Variants in CUEDC1 observed in about 807,000 individuals in gnomAD.
CUEDC1 encodes the protein CUE domain-containing protein 1.
CUEDC1 carries 30 observed loss-of-function variants against 43.7 expected under a neutral mutation model. That is an observed-to-expected ratio of 0.69 (90% CI 0.51 to 0.93). CUEDC1 has a LOEUF of 0.93. Ranked by LOEUF, CUEDC1 falls within the 40% of genes least tolerant of loss-of-function variation. The pLI is 0.00. For missense variants in CUEDC1, 486 were observed against 549.0 expected (o/e 0.89, Z 1.15); for synonymous variants, 223 against 223.6 (o/e 1.00, Z 0.02).
chr17:57,955,385 C>T lies in CUEDC1; in HGVS notation c.-476G>A, dbSNP rs2075047831. 6.7e-6 allele frequency: 1 copy of T among 149,110 alleles called. No homozygotes were observed. The highest frequency in any genetic ancestry group is 1.8e-4 in the South Asian group (1 of 5,604). The allele number at this position is 149,110 out of a possible 1,614,324, so 9.2% of individuals were successfully genotyped here. ...GGCGGAGAAAGTGAGGCGAGGCCGG[C>T]TTCCTAGCGGCGGGCGGCGAGAAAT... On this transcript the variant is annotated 5_prime_UTR_variant, in exon 1 of 11. Coordinates refer to ENST00000577830, the MANE Select transcript of CUEDC1 (RefSeq NM_001271875.2). The surrounding 1 kb of genome is among the most constrained non-coding windows in gnomAD (Gnocchi z 5.3).
chr17:57,868,075 G>C, intron 8 of CUEDC1, 75 bp downstream of exon 8: 1 of 1,236,948 alleles, frequency 8.1e-7, no homozygotes, highest in South Asian at 1.2e-5. Flanking sequence ...CACAGCTGCA[G>C]GGAGTCCAAC....
At chr17:57,876,875 C>T (rs964855382) in intron 3 of CUEDC1, among the ~76,000 whole-genome samples, 1 of 152,220 alleles carries the variant, frequency 6.6e-6, no homozygotes. Flanking sequence ...ATACCTGGGT[C>T]TGTGCTAAGT....
intron 10 of CUEDC1, 57 bp downstream of exon 10, chr17:57,866,417 A>G (rs1325092784): frequency 6.5e-7 from 1 of 1,535,960 alleles, no homozygotes; most frequent in East Asian, 2.2e-5. Context: ...TGGGGTGCAT[A>G]GTGTGGGGGG....
chr17:57,921,284 A>G (rs2074695769), intron 1 of CUEDC1, among the ~76,000 whole-genome samples: 1 of 152,210 alleles, frequency 6.6e-6, no homozygotes, highest in Non-Finnish European at 1.5e-5. Context: ...CCAACAATGC[A>G]GTGAAAGGCA....
rs1363071194 is a variant in CUEDC1, at chr17:57,872,830, C to A, written c.617G>T (p.Gly206Val). ...GGCAGGTGGACATCCCTCTCCACTC[C>A]CAGGCTTGGGGCCCCCAGCGTTACC... Reference protein sequence around the residue: ...IQGNAGGPKPGSGEGCPPAMA... With the variant: ...IQGNAGGPKPVSGEGCPPAMA... Residue 206 changes from glycine to valine, a missense_variant, in exon 5 of 11, where the codon GGG (glycine) becomes GTG (valine). Transcript: ENST00000577830. The A allele has an allele frequency of 4.3e-6, 7 of 1,613,632 alleles. No homozygotes were observed. The highest frequency in any genetic ancestry group is 5.9e-6 in the Non-Finnish European group (7 of 1,179,864).
At chr17:57,868,343 C>G in intron 7 of CUEDC1, 100 bp from the exon 8 acceptor site, 4 of 1,047,284 alleles carry the variant, frequency 3.8e-6, no homozygotes, top group Admixed American at 1.8e-5. Flanking sequence ...CAAGGCCCCC[C>G]GGAGAGGGAG....
At chr17:57,908,862 T>C (rs1482249796) in intron 1 of CUEDC1, among the ~76,000 whole-genome samples, 8 of 152,104 alleles carry the variant, frequency 5.3e-5, no homozygotes, top group Admixed American at 3.9e-4. Context: ...CTGGGTGTGG[T>C]GGCATGCACC....
At chr17:57,908,890 G>A (rs1470747936) in intron 1 of CUEDC1, among the ~76,000 whole-genome samples, 1 of 152,144 alleles carries the variant, frequency 6.6e-6, no homozygotes, top group East Asian at 1.9e-4. Context: ...CCAGCTACTC[G>A]AGAGGCTGAG....
chr17:57,923,332 A>G (rs190562838), intron 1 of CUEDC1, among the ~76,000 whole-genome samples: 2 of 152,258 alleles, frequency 1.3e-5, no homozygotes, highest in Admixed American at 1.3e-4. Context: ...CTCAGAACCA[A>G]AGCTTGTCCT....
intron 1 of CUEDC1, among the ~76,000 whole-genome samples, chr17:57,942,255 T>A (rs1177525069): frequency 6.6e-6 from 1 of 152,142 alleles, no homozygotes; most frequent in Non-Finnish European, 1.5e-5. Context: ...GGACTTTTCC[T>A]AAGATGTTCC....
At chr17:57,909,449 T>C (rs1042279743) in intron 1 of CUEDC1, among the ~76,000 whole-genome samples, 4 of 152,210 alleles carry the variant, frequency 2.6e-5, no homozygotes. Context: ...TTATTATGAC[T>C]TTCTGAGGGA....
chr17:57,881,674 G>A (rs2074206342), intron 2 of CUEDC1, among the ~76,000 whole-genome samples: 1 of 152,186 alleles, frequency 6.6e-6, no homozygotes, highest in African/African-American at 2.4e-5. Flanking sequence ...GGAGAGCGCA[G>A]TAGAAACTGT....
chr17:57,951,197 T>C (rs2075003566), intron 1 of CUEDC1, among the ~76,000 whole-genome samples: 1 of 151,964 alleles, frequency 6.6e-6, no homozygotes, highest in Admixed American at 6.6e-5. Context: ...TGTGTACCGC[T>C]GTGCAGAAAT....
chr17:57,939,436 T>G (rs987420259), intron 1 of CUEDC1, among the ~76,000 whole-genome samples: 1 of 135,664 alleles, frequency 7.4e-6, no homozygotes, highest in Non-Finnish European at 1.6e-5. Flanking sequence ...AGCTAATTTT[T>G]CAAATTATGT....
chr17:57,867,480 C>T lies in CUEDC1; in HGVS notation c.1035-65G>A, dbSNP rs146284234. 5.0e-6 allele frequency: 7 copies of T among 1,408,830 alleles called. No homozygotes were observed. In the Admixed American group the frequency reaches 7.9e-5, roughly 16 times the overall value. 87.3% of individuals were successfully genotyped at this position (1,408,830 alleles called of 1,614,324 possible). A position where few individuals can be genotyped will look rare whatever the true frequency, so the allele number is the denominator to read the frequency against. On this transcript the variant is annotated intron_variant, in intron 8 of 10. Transcript: ENST00000577830. Reference sequence around the variant, plus strand: ...GACACTGCCCTAGTCCTCCCAGTCCCACTGACTCTCTGCCCCACCCCTCAA... The same window carrying T: ...GACACTGCCCTAGTCCTCCCAGTCCTACTGACTCTCTGCCCCACCCCTCAA...
intron 1 of CUEDC1, among the ~76,000 whole-genome samples, chr17:57,906,222 T>A (rs1021962442): frequency 6.6e-6 from 1 of 152,164 alleles, no homozygotes; most frequent in African/African-American, 2.4e-5. Context: ...AATAGATAAA[T>A]GGATAAACAA....
chr17:57,864,310 TG>T (rs58586887), intron 10 of CUEDC1, among the ~76,000 whole-genome samples: 5,089 of 152,076 alleles, frequency 0.033, 273 homozygotes, highest in African/African-American at 0.11. Flanking sequence ...GAGATTCAGA[TG>T]TAGGAGCCAG....
intron 1 of CUEDC1, among the ~76,000 whole-genome samples, chr17:57,893,394 G>A (rs779710721): frequency 3.9e-5 from 5 of 128,360 alleles, no homozygotes; most frequent in Non-Finnish European, 7.4e-5. Flanking sequence ...CCCTGACAGA[G>A]ACGCCTTGTC....
chr17:57,883,615 C>T (rs925290223), intron 2 of CUEDC1, among the ~76,000 whole-genome samples: 4 of 151,980 alleles, frequency 2.6e-5, no homozygotes, highest in African/African-American at 7.3e-5. Flanking sequence ...CCCAGCTACT[C>T]GAGAGGCTGA....
Sources: gnomAD v4.1 joint callset for allele counts (sites outside exome capture counted in the v4.1 genomes callset) on GRCh38, gnomAD v4.1.1 for gene constraint, Gnocchi (gnomAD v3.1) non-coding constraint, MANE v1.5 for transcripts, NCBI Gene and HGNC (gene_info 2026-07-23, HGNC 2026-07-21) for gene names.